The following ATF7IP variants were observed in gnomAD, a reference collection of about 807,000 sequenced individuals.
The protein encoded by ATF7IP is activating transcription factor 7-interacting protein 1.
Under a neutral mutation model 106.4 loss-of-function variants are expected in ATF7IP, and 23 were observed. The ratio of observed to expected loss-of-function variants is 0.22; its 90% CI spans 0.16 to 0.31. ATF7IP has a LOEUF of 0.31. Among genes scored for constraint, ATF7IP ranks in the 10% least tolerant of loss-of-function variants. The probability of loss-of-function intolerance (pLI) is 1.00; values close to 1 mark genes in which losing one functional copy is unlikely to be tolerated. For synonymous variants in ATF7IP, 542 were observed against 539.0 expected, an observed-to-expected ratio of 1.01 and a Z score of -0.08; for missense variants, 1,334 against 1,524.3, an observed-to-expected ratio of 0.88 and a Z score of 2.08.
chr12:14,374,325 G>T (rs1938648340), intron 1 of ATF7IP, among the ~76,000 whole-genome samples: 1 of 141,960 alleles, frequency 7.0e-6, no homozygotes, highest in South Asian at 2.2e-4. Flanking sequence ...TGTTGCCCAG[G>T]CTGGTCTTGA....
intron 1 of ATF7IP, among the ~76,000 whole-genome samples, chr12:14,411,269 A>C (rs903605936): frequency 6.6e-6 from 1 of 152,146 alleles, no homozygotes; most frequent in East Asian, 1.9e-4. Flanking sequence ...CAATTTATCC[A>C]TATCATTGCC....
rs536465246 is a variant in ATF7IP, at chr12:14,377,556, T to G, written c.-8+11729T>G. 4.6e-5 allele frequency among the ~76,000 whole-genome samples: 7 copies of G among 151,150 alleles called. No individual in the cohort carries two copies. In the East Asian group the frequency reaches 1.2e-3, roughly 25 times the overall value. On this transcript the variant is annotated intron_variant, in intron 1 of 14. Transcript: ENST00000261168. ...ATTTTTAGTAGAGACGGGGTTTCAC[T>G]GTGTTAGCCAGGATGGTCTCGATCT...
intron 1 of ATF7IP, among the ~76,000 whole-genome samples, chr12:14,411,204 G>A (rs1183424234): frequency 6.6e-6 from 1 of 152,202 alleles, no homozygotes; most frequent in Non-Finnish European, 1.5e-5. Context: ...GGAACTGCCT[G>A]TTTTCCAAAG....
intron 1 of ATF7IP, among the ~76,000 whole-genome samples, chr12:14,421,019 TC>T (rs1318440251): frequency 6.6e-6 from 1 of 152,248 alleles, no homozygotes; most frequent in Admixed American, 6.5e-5. Context: ...ACATTGTTTT[TC>T]TTCAGAACCA....
intron 10 of ATF7IP, among the ~76,000 whole-genome samples, chr12:14,467,658 A>G (rs1322421620): frequency 6.7e-6 from 1 of 149,680 alleles, no homozygotes; most frequent in East Asian, 2.0e-4. Flanking sequence ...GAACATCTCT[A>G]CTTCCCTCAG....
intron 13 of ATF7IP, among the ~76,000 whole-genome samples, chr12:14,492,870 G>A (rs1161635520): frequency 6.6e-6 from 1 of 152,160 alleles, no homozygotes; most frequent in Non-Finnish European, 1.5e-5. Flanking sequence ...CGAGCAATTA[G>A]AGGGCTCTTC....
At position 14,391,471 on chromosome 12, in the gene ATF7IP, T is replaced by C. The variant is rs929775656; in HGVS notation, c.-8+25644T>C. Among the ~76,000 whole-genome samples, 4 of 152,214 alleles carry C rather than the reference T, an allele frequency of 2.6e-5. No individual in the cohort carries two copies. The South Asian group carries it at 8.3e-4, about 32-fold the overall frequency. ...CATTAGTATAGAAGTTAGGAAAAGA[T>C]TACTTCTGCTCTCGTACTGTTATTA... On this transcript the variant is annotated intron_variant, in intron 1 of 14. Coordinates refer to ENST00000261168, the MANE Select transcript of ATF7IP (RefSeq NM_018179.5).
chr12:14,416,756 T>G (rs1941224309), intron 1 of ATF7IP, among the ~76,000 whole-genome samples: 2 of 152,232 alleles, frequency 1.3e-5, no homozygotes, highest in African/African-American at 4.8e-5. Context: ...TGCCCTCATC[T>G]TCTTCCCTTG....
intron 1 of ATF7IP, among the ~76,000 whole-genome samples, chr12:14,402,790 G>A (rs550535234): frequency 7.2e-5 from 11 of 152,104 alleles, no homozygotes; most frequent in African/African-American, 2.4e-4. Context: ...TAGAGACGGA[G>A]TTTCTCCATG....
chr12:14,379,295 T>C (rs564517449), intron 1 of ATF7IP, among the ~76,000 whole-genome samples: 29 of 152,296 alleles, frequency 1.9e-4, no homozygotes, highest in Admixed American at 5.9e-4. Flanking sequence ...CCTTCCATCA[T>C]GTTTGTAAAT....
chr12:14,494,332 T>TATATATATATATATATATTC (rs1158646205), intron 13 of ATF7IP, among the ~76,000 whole-genome samples: 1 of 115,762 alleles, frequency 8.6e-6, no homozygotes, highest in Non-Finnish European at 1.8e-5. Context: ...TATATATATA[T>TATATATATATATATATATTC]ATGTGTGTGT....
rs762120660 is a variant in ATF7IP at position 14,457,182 on chromosome 12, A to C, written c.2070-25A>C. On this transcript the variant is annotated intron_variant, in intron 7 of 14. Coordinates refer to ENST00000261168, the MANE Select transcript of ATF7IP (RefSeq NM_018179.5). Reference sequence around the variant, plus strand: ...TCCCTGAGTGGCATATCTATTGACTATTGGTGTGTATATGTATTTCATAGA... The same window carrying C: ...TCCCTGAGTGGCATATCTATTGACTCTTGGTGTGTATATGTATTTCATAGA... 2.6e-5 allele frequency: 40 copies of C among 1,568,188 alleles called. No individual in the cohort carries two copies. The Admixed American group carries it at 4.4e-4, about 17-fold the overall frequency.
chr12:14,466,498 T>C, intron 9 of ATF7IP, 28 bp from the exon 10 acceptor site: 6 of 1,582,348 alleles, frequency 3.8e-6, no homozygotes, highest in Non-Finnish European at 5.1e-6. Flanking sequence ...TGTAGATGTT[T>C]TTAAAAATGG....
chr12:14,394,386 A>G (rs368967538), intron 1 of ATF7IP, among the ~76,000 whole-genome samples: 28 of 152,334 alleles, frequency 1.8e-4, no homozygotes, highest in African/African-American at 6.5e-4. Context: ...TTTCAGTTAT[A>G]TAAGAATTAT....
chr12:14,454,095 C>T (rs970435384), intron 6 of ATF7IP, among the ~76,000 whole-genome samples: 2 of 152,134 alleles, frequency 1.3e-5, no homozygotes, highest in Non-Finnish European at 2.9e-5. Flanking sequence ...GCCACATCTC[C>T]CAGTCTTTGT....
Position 14,425,424 on chromosome 12 carries a change from T to G in ATF7IP, c.1509T>G (p.Gly503=). The G allele has an allele frequency of 6.3e-7, 1 of 1,595,034 alleles. No individual in the cohort carries two copies. The highest frequency in any genetic ancestry group is 1.1e-5 in the South Asian group (1 of 87,474). Residue 503 remains glycine, a synonymous_variant, in exon 2 of 15, where the codon GGT becomes GGG. Transcript: ENST00000261168. ...TCTCTGATGAAGAGGATATTTCGGG[T>G]GAAAAAGATGAGTCTGAAGTTATAT... ...LVLSDEEDIS[G]EKDESEVISQ...
chr12:14,371,987 A>G (rs7313245), intron 1 of ATF7IP, among the ~76,000 whole-genome samples: 85,812 of 151,916 alleles, frequency 0.56, 24,658 homozygotes, highest in African/African-American at 0.67. Flanking sequence ...TGATGTTTTA[A>G]CATTATTTAA....
intron 13 of ATF7IP, among the ~76,000 whole-genome samples, chr12:14,487,945 A>G (rs1281942200): frequency 1.3e-5 from 2 of 152,140 alleles, no homozygotes; most frequent in African/African-American, 4.8e-5. Context: ...GTGATTCAGG[A>G]GTGTCAAATG....
At chr12:14,407,692 C>T (rs1940675987) in intron 1 of ATF7IP, among the ~76,000 whole-genome samples, 1 of 152,056 alleles carries the variant, frequency 6.6e-6, no homozygotes, top group Non-Finnish European at 1.5e-5. Context: ...CGGTGTTGTA[C>T]AGATTATTTA....
Sources: gnomAD v4.1 joint callset for allele counts (sites outside exome capture counted in the v4.1 genomes callset) on GRCh38, gnomAD v4.1.1 for gene constraint, MANE v1.5 for transcripts, NCBI Gene and HGNC (gene_info 2026-07-23, HGNC 2026-07-21) for gene names.